The following GALNTL6 variants were observed in gnomAD, a reference collection of about 807,000 sequenced individuals.
The protein encoded by GALNTL6 is polypeptide N-acetylgalactosaminyltransferase-like 6.
Under a neutral mutation model 73.7 loss-of-function variants are expected in GALNTL6, and 46 were observed. The ratio of observed to expected loss-of-function variants is 0.62; its 90% CI spans 0.49 to 0.80. The LOEUF (loss-of-function observed/expected upper bound fraction) is 0.80, where lower values mean the gene tolerates loss of function less well. Among genes scored for constraint, GALNTL6 ranks in the 30% least tolerant of loss-of-function variants. The pLI, the probability that GALNTL6 is intolerant of heterozygous loss-of-function variation, is 0.00. For synonymous variants in GALNTL6, 259 were observed against 263.7 expected (o/e 0.98, Z 0.17); for missense variants, 604 against 755.0 (o/e 0.80, Z 2.34).
chr4:172,698,051 C>A (rs1733797487), intron 5 of GALNTL6, among the ~76,000 whole-genome samples: 2 of 152,118 alleles, frequency 1.3e-5, no homozygotes, highest in African/African-American at 4.8e-5. Flanking sequence ...AATAGAAACT[C>A]TCTAGTACAT....
At chr4:172,542,065 T>C (rs1292795991) in intron 5 of GALNTL6, among the ~76,000 whole-genome samples, 1 of 151,566 alleles carries the variant, frequency 6.6e-6, no homozygotes, top group Non-Finnish European at 1.5e-5. Context: ...AGGAGGAGTT[T>C]AGGAGTAGAG....
intron 2 of GALNTL6, among the ~76,000 whole-genome samples, chr4:171,920,055 C>T (rs59154310): frequency 0.22 from 33,268 of 151,996 alleles, 3,915 homozygotes; most frequent in Middle Eastern, 0.3. Context: ...GGCACATATA[C>T]GCCATGGAAT....
intron 5 of GALNTL6, among the ~76,000 whole-genome samples, chr4:172,630,668 T>C (rs1739355472): frequency 6.6e-6 from 1 of 151,750 alleles, no homozygotes; most frequent in South Asian, 2.1e-4. Context: ...TTCTGAAAAA[T>C]ATTTTCTTTA....
chr4:173,010,765 T>C (rs1752513967), intron 11 of GALNTL6, among the ~76,000 whole-genome samples: 1 of 142,696 alleles, frequency 7.0e-6, no homozygotes, highest in Admixed American at 6.8e-5. Context: ...CAGCTAATTT[T>C]TGTATTTTTT....
chr4:172,455,044 G>C (rs1732340088), intron 5 of GALNTL6, among the ~76,000 whole-genome samples: 1 of 152,208 alleles, frequency 6.6e-6, no homozygotes, highest in African/African-American at 2.4e-5. Context: ...GGTTAGGCAA[G>C]GGGTCCAGCC....
chr4:171,948,612 T>C lies in GALNTL6; in HGVS notation c.138+133894T>C, dbSNP rs1738774568. On this transcript the variant is annotated intron_variant, in intron 2 of 12. Transcript: ENST00000506823. Reference sequence around the variant, plus strand: ...AAATATATGTGTGTTACTACATGCATATCTATAGACTATAAAATAAATGGA... The same window carrying C: ...AAATATATGTGTGTTACTACATGCACATCTATAGACTATAAAATAAATGGA... Among the ~76,000 whole-genome samples the C allele has an allele frequency of 2.0e-5, 3 of 152,310 alleles. No homozygotes were observed. The South Asian group carries it at 6.2e-4, about 32-fold the overall frequency.
intron 2 of GALNTL6, among the ~76,000 whole-genome samples, chr4:171,995,581 C>T (rs151010464): frequency 6.6e-6 from 1 of 152,000 alleles, no homozygotes; most frequent in Non-Finnish European, 1.5e-5. Context: ...AGAGTATGTG[C>T]AGTCTTTCCC....
At chr4:172,396,942 T>C (rs1354851601) in intron 5 of GALNTL6, among the ~76,000 whole-genome samples, 3 of 152,202 alleles carry the variant, frequency 2.0e-5, no homozygotes, top group African/African-American at 7.2e-5. Context: ...AAAAATAATA[T>C]ATAATCTGTC....
intron 2 of GALNTL6, among the ~76,000 whole-genome samples, chr4:172,211,837 G>A (rs1736332481): frequency 6.6e-6 from 1 of 152,138 alleles, no homozygotes; most frequent in South Asian, 2.1e-4. Flanking sequence ...GCTTGCTTAA[G>A]CCTCTTTCAT....
At chr4:171,878,738 T>C (rs112840309) in intron 2 of GALNTL6, among the ~76,000 whole-genome samples, 115 of 152,316 alleles carry the variant, frequency 7.6e-4, no homozygotes, top group African/African-American at 2.5e-3. Context: ...AAAAATTTCA[T>C]GTCAAATTGT....
intron 5 of GALNTL6, among the ~76,000 whole-genome samples, chr4:172,630,459 T>C (rs1156789169): frequency 6.6e-6 from 1 of 152,042 alleles, no homozygotes; most frequent in East Asian, 1.9e-4. Flanking sequence ...CAGGGCAGTA[T>C]CGGCAAGCTG....
chr4:172,304,206 TCCCC>T (rs1740042324), intron 3 of GALNTL6, among the ~76,000 whole-genome samples: 7 of 152,176 alleles, frequency 4.6e-5, no homozygotes, highest in Admixed American at 4.6e-4. Flanking sequence ...TTTCTTCATT[TCCCC>T]TGAGTAATAA....
chr4:171,871,224 G>GT (rs984981930), intron 2 of GALNTL6, among the ~76,000 whole-genome samples: 14 of 151,716 alleles, frequency 9.2e-5, no homozygotes, highest in Non-Finnish European at 2.9e-5. Flanking sequence ...TATTTATCAT[G>GT]TTTTTCCTAT....
At position 172,363,282 on chromosome 4, in the gene GALNTL6, C is replaced by G. The variant is rs528554233; in HGVS notation, c.553+14593C>G. Among the ~76,000 whole-genome samples, 3 of 152,240 alleles carry G rather than the reference C, an allele frequency of 2.0e-5. No individual in the cohort carries two copies. In the South Asian group the frequency reaches 6.2e-4, roughly 32 times the overall value. Reference sequence around the variant, plus strand: ...CTTCTTTCTGTGTTTTTTCTTCTAACCAATCACTCAGGCTCAAAGAGAATA... The same window carrying G: ...CTTCTTTCTGTGTTTTTTCTTCTAAGCAATCACTCAGGCTCAAAGAGAATA... On this transcript the variant is annotated intron_variant, in intron 5 of 12. Transcript: ENST00000506823.
At chr4:172,628,282 T>A (rs1739249829) in intron 5 of GALNTL6, among the ~76,000 whole-genome samples, 1 of 152,180 alleles carries the variant, frequency 6.6e-6, no homozygotes, top group Non-Finnish European at 1.5e-5. Context: ...TGTCTGTTAG[T>A]GTTTATAGCA....
intron 2 of GALNTL6, among the ~76,000 whole-genome samples, chr4:172,055,170 G>T (rs756440502): frequency 6.6e-6 from 1 of 152,092 alleles, no homozygotes; most frequent in Non-Finnish European, 1.5e-5. Context: ...CCAATAAGTA[G>T]AGAAAATTTC....
intron 2 of GALNTL6, among the ~76,000 whole-genome samples, chr4:172,006,520 G>A (rs760194810): frequency 3.9e-4 from 60 of 152,064 alleles, no homozygotes; most frequent in African/African-American, 1.3e-3. Flanking sequence ...CCAGCTACTC[G>A]GGAGGCTGAG....
rs3083265 is a variant in GALNTL6, at chr4:172,233,348, CTAAATAAATAAA to C, written c.247+3608_247+3619del. 3.0e-3 allele frequency among the ~76,000 whole-genome samples: 440 copies of C among 146,806 alleles called. 3 individuals are homozygous for C. Among genetic ancestry groups the C allele is most frequent in the African/African-American group, 0.01 (404 of 39,600 alleles). On this transcript the variant is annotated intron_variant, in intron 3 of 12. Transcript: ENST00000506823. ...CCAGCCTGGGCTGGAGACTCTGTCT[CTAAATAAATAAA>C]TAAATAAATAAATAAATAAATAAGC...
At chr4:172,935,281 G>T (rs1748550762) in intron 9 of GALNTL6, among the ~76,000 whole-genome samples, 1 of 152,136 alleles carries the variant, frequency 6.6e-6, no homozygotes, top group Admixed American at 6.5e-5. Context: ...ATCAGAGAAT[G>T]CAAATCTGTA....
Sources: allele counts gnomAD v4.1 joint callset (sites outside exome capture counted in the v4.1 genomes callset), GRCh38; gene constraint gnomAD v4.1.1; transcripts MANE v1.5; gene names NCBI Gene and HGNC (gene_info 2026-07-23, HGNC 2026-07-21).